Variants in PPP2R5C observed in about 807,000 individuals in gnomAD.
The protein encoded by PPP2R5C is protein phosphatase 2 regulatory subunit B'gamma, also known as serine/threonine-protein phosphatase 2A 56 kDa regulatory subunit gamma isoform.
Under a neutral mutation model 68.9 loss-of-function variants are expected in PPP2R5C, and 7 were observed. That is an observed-to-expected ratio of 0.10 (90% CI 0.06 to 0.19). The LOEUF is 0.19. Among genes scored for constraint, PPP2R5C ranks in the 10% least tolerant of loss-of-function variants. The pLI is 1.00. For missense variants in PPP2R5C, 348 were observed against 641.3 expected, an observed-to-expected ratio of 0.54 and a Z score of 4.94; for synonymous variants, 210 against 222.2, an observed-to-expected ratio of 0.95 and a Z score of 0.49.
intron 2 of PPP2R5C, among the ~76,000 whole-genome samples, chr14:101,864,923 A>C (rs1238780373): frequency 2.6e-5 from 4 of 152,172 alleles, no homozygotes; most frequent in African/African-American, 4.8e-5. Context: ...GACCAGCTCA[A>C]CATCTGCTGC....
At chr14:101,903,466 C>T (rs990363678) in intron 9 of PPP2R5C, among the ~76,000 whole-genome samples, 35 of 152,280 alleles carry the variant, frequency 2.3e-4, no homozygotes, top group African/African-American at 7.2e-4. Context: ...GCTGCCAGGG[C>T]GGCCTGCCAT....
At chr14:101,896,123 G>A (rs1176994877) in intron 8 of PPP2R5C, among the ~76,000 whole-genome samples, 1 of 152,042 alleles carries the variant, frequency 6.6e-6, no homozygotes, top group African/African-American at 2.4e-5. Context: ...GGGTTCAAGC[G>A]ATTCTCCTAT....
At chr14:101,889,955 A>G (rs540223034) in intron 5 of PPP2R5C, 9 of 542,388 alleles carry the variant, frequency 1.7e-5, no homozygotes, top group South Asian at 1.4e-4. Context: ...ATGGGTGTTC[A>G]CTGTAGAATT....
At chr14:101,816,919 ATT>A (rs1354701011) in intron 1 of PPP2R5C, among the ~76,000 whole-genome samples, 3 of 140,500 alleles carry the variant, frequency 2.1e-5, no homozygotes, top group South Asian at 4.3e-4. Context: ...TAATATATAT[ATT>A]TATATAATAT....
At chr14:101,765,472 CT>C in intron 2 of PPP2R5C, 3 of 549,414 alleles carry the variant, frequency 5.5e-6, no homozygotes, top group East Asian at 2.9e-5. Flanking sequence ...TTATTGCACA[CT>C]TTTTCCCTCT....
chr14:101,873,350 T>C (rs1388187365), intron 2 of PPP2R5C, among the ~76,000 whole-genome samples: 2 of 152,240 alleles, frequency 1.3e-5, no homozygotes, highest in African/African-American at 4.8e-5. Context: ...GTGCTATATC[T>C]CTATTCATGT....
intron 2 of PPP2R5C, among the ~76,000 whole-genome samples, chr14:101,881,333 G>A (rs1484569042): frequency 6.6e-6 from 1 of 152,192 alleles, no homozygotes; most frequent in Non-Finnish European, 1.5e-5. Flanking sequence ...CCGGGAGGCA[G>A]AGGTTGTGAT....
chr14:101,917,672 G>A lies in PPP2R5C; in HGVS notation c.1327-159G>A, dbSNP rs538970269. 10 of 875,442 alleles carry A rather than the reference G, an allele frequency of 1.1e-5. No homozygotes were observed. The highest frequency in any genetic ancestry group is 1.7e-5 in the South Asian group (1 of 59,524). The allele number at this position is 875,442 out of a possible 1,614,324, so 54.2% of individuals were successfully genotyped here. A position where few individuals can be genotyped will look rare whatever the true frequency, so the allele number is the denominator to read the frequency against. ...TTTCTGGTTTCAGAAGTCAGCAGCC[G>A]CATCATGTTGCAGGTGTAGGCGAGT... On this transcript the variant is annotated intron_variant, in intron 12 of 13. Transcript: ENST00000334743. This position sits in a 1 kb window ranked among gnomAD's most constrained non-coding sequence, Gnocchi z 4.4.
chr14:101,902,023 A>C, intron 9 of PPP2R5C, 134 bp downstream of exon 11: 1 of 923,084 alleles, frequency 1.1e-6, no homozygotes, highest in Middle Eastern at 3.0e-4. Context: ...CTTGAATTAT[A>C]CTTCAAATAC....
chr14:101,895,826 A>G (rs985356104), intron 8 of PPP2R5C, among the ~76,000 whole-genome samples: 1 of 152,126 alleles, frequency 6.6e-6, no homozygotes, highest in African/African-American at 2.4e-5. Context: ...TCCTTTGGAT[A>G]TATATCCAGG....
At chr14:101,762,047 C>T (rs1178833272) in intron 1 of PPP2R5C, 127 bp downstream of exon 1, 7 of 992,306 alleles carry the variant, frequency 7.1e-6, no homozygotes, top group South Asian at 9.6e-5. Context: ...GGCTTCGCGT[C>T]CCCGAGGGCG....
At chr14:101,857,022 G>T in intron 2 of PPP2R5C, 137 bp downstream of exon 4, 1 of 831,980 alleles carries the variant, frequency 1.2e-6, no homozygotes, top group East Asian at 2.7e-5. Context: ...CTTGAAGAAT[G>T]AAAATTTTCT....
intron 9 of PPP2R5C, among the ~76,000 whole-genome samples, chr14:101,902,550 A>C (rs2045753919): frequency 6.6e-6 from 1 of 152,194 alleles, no homozygotes; most frequent in Admixed American, 6.5e-5. Context: ...CATCATGAAC[A>C]AGGTGAAAAT....
intron 2 of PPP2R5C, among the ~76,000 whole-genome samples, chr14:101,784,252 G>A (rs1014446097): frequency 3.3e-5 from 5 of 152,162 alleles, no homozygotes; most frequent in African/African-American, 7.2e-5. Context: ...ACAAATTAAT[G>A]TCTGGGGCTG....
chr14:101,786,409 T>G (rs1321626223), intron 3 of PPP2R5C, among the ~76,000 whole-genome samples: 1 of 152,060 alleles, frequency 6.6e-6, no homozygotes, highest in Non-Finnish European at 1.5e-5. Context: ...CAACACAGTA[T>G]AGGCATAATA....
chr14:101,912,647 T>C, intron 12 of PPP2R5C, 174 bp downstream of exon 14: 1 of 1,278,502 alleles, frequency 7.8e-7, no homozygotes. Context: ...TACAAGTACT[T>C]ATTTTGCCCC....
intron 2 of PPP2R5C, among the ~76,000 whole-genome samples, chr14:101,866,811 A>G (rs1031230046): frequency 6.6e-6 from 1 of 152,222 alleles, no homozygotes; most frequent in Non-Finnish European, 1.5e-5. Context: ...TGGGCCAGGC[A>G]CAGTGGCTCA....
intron 3 of PPP2R5C, among the ~76,000 whole-genome samples, chr14:101,789,033 G>T (rs1222355795): frequency 6.6e-6 from 1 of 152,054 alleles, no homozygotes; most frequent in Admixed American, 6.6e-5. Context: ...TTAATCTCAT[G>T]CAGAGCTATT....
At chr14:101,871,177 G>C (rs1566925859) in intron 2 of PPP2R5C, among the ~76,000 whole-genome samples, 1 of 151,956 alleles carries the variant, frequency 6.6e-6, no homozygotes, top group South Asian at 2.1e-4. Context: ...CGTAAAGTGG[G>C]TGTATGGTAG....
Sources: gnomAD v4.1 joint callset for allele counts (sites outside exome capture counted in the v4.1 genomes callset) on GRCh38, gnomAD v4.1.1 for gene constraint, Gnocchi (gnomAD v3.1) non-coding constraint, MANE v1.5 for transcripts, NCBI Gene and HGNC (gene_info 2026-07-23, HGNC 2026-07-21) for gene names.